The following BRSK1 variants were observed in gnomAD, a reference collection of about 807,000 sequenced individuals.
BRSK1 encodes serine/threonine-protein kinase BRSK1.
In BRSK1, 17 loss-of-function variants were observed where a neutral mutation model predicts 86.2. The observed-to-expected ratio is 0.20, with a 90% CI of 0.14 to 0.30. The LOEUF (loss-of-function observed/expected upper bound fraction) is 0.30. Among genes scored for constraint, BRSK1 ranks in the 10% least tolerant of loss-of-function variants. The pLI is 1.00. For synonymous variants in BRSK1, 464 were observed against 440.1 expected (o/e 1.05, Z -0.68); for missense variants, 719 against 1,071.9 (o/e 0.67, Z 4.60).
At position 55,305,473 on chromosome 19, in the gene BRSK1, C is replaced by A; in HGVS notation, c.1777C>A (p.Arg593Ser). The change falls in exon 16 of 19, where the codon CGC becomes AGC. Residue 593 changes from arginine to serine, a missense_variant. This residue lies in a region of BRSK1 where 180 missense variants were observed against 259.4 expected (regional missense o/e 0.69). Transcript: ENST00000309383. ...TPESSPELAK[R>S]SWFGNFISLD... ...CCCCCTCCCACTCAGGCTGGCAAAA[C>A]GCTCCTGGTTCGGGAACTTCATCTC... 1 of 1,614,186 alleles carries A rather than the reference C, an allele frequency of 6.2e-7. No homozygotes were observed. Among genetic ancestry groups the A allele is most frequent in the Non-Finnish European group, 8.5e-7 (1 of 1,180,010 alleles).
intron 7 of BRSK1, among the ~76,000 whole-genome samples, chr19:55,297,506 C>T (rs1363475971): frequency 6.6e-6 from 1 of 152,220 alleles, no homozygotes; most frequent in East Asian, 1.9e-4. Context: ...TCCTTGGTCT[C>T]TTAACCACCA....
At chr19:55,290,609 G>A (rs1370159594) in intron 4 of BRSK1, among the ~76,000 whole-genome samples, 1 of 151,096 alleles carries the variant, frequency 6.6e-6, no homozygotes, top group Non-Finnish European at 1.5e-5. Flanking sequence ...ATTCCAGTTT[G>A]TTGATTTTTT....
At position 55,302,238 on chromosome 19, in the gene BRSK1, G is replaced by A; in HGVS notation, c.857+70G>A. ...GGGAGGGGCCAAAGCAGTAGAAGCGGCTGGGAGGGGTGGGATGCCAGGGTT... is the reference window on the plus strand; with the variant it reads ...GGGAGGGGCCAAAGCAGTAGAAGCGACTGGGAGGGGTGGGATGCCAGGGTT... On this transcript the variant is annotated intron_variant, in intron 9 of 18. Transcript: ENST00000309383. This position sits in a 1 kb window ranked among gnomAD's most constrained non-coding sequence, Gnocchi z 6.3. The A allele has an allele frequency of 1.3e-6, 2 of 1,580,850 alleles. No individual in the cohort carries two copies. Among genetic ancestry groups the A allele is most frequent in the Non-Finnish European group, 1.7e-6 (2 of 1,150,016 alleles).
At position 55,303,119 on chromosome 19, in the gene BRSK1, T is replaced by G. The variant is rs1398008186; in HGVS notation, c.1029-192T>G. On this transcript the variant is annotated intron_variant, in intron 10 of 18. Coordinates refer to ENST00000309383, the MANE Select transcript of BRSK1 (RefSeq NM_032430.2). The surrounding 1 kb of genome is among the most constrained non-coding windows in gnomAD (Gnocchi z 5.1). ...ATAGTTCTTGCCTGGATGTTAGGTG[T>G]TACAGTGTTATTATAATTGAGTGAA... 1 of 633,804 alleles carries G rather than the reference T, an allele frequency of 1.6e-6. No individual in the cohort carries two copies. Among genetic ancestry groups the G allele is most frequent in the African/African-American group, 1.8e-5 (1 of 54,566 alleles). 39.3% of individuals were successfully genotyped at this position (633,804 alleles called of 1,614,324 possible). A position where few individuals can be genotyped will look rare whatever the true frequency, so the allele number is the denominator to read the frequency against.
intron 18 of BRSK1, among the ~76,000 whole-genome samples, chr19:55,309,132 C>G (rs947285183): frequency 6.6e-6 from 1 of 152,058 alleles, no homozygotes; most frequent in Non-Finnish European, 1.5e-5. Flanking sequence ...TCCTGGTTTG[C>G]TTGGGACTGA....
In BRSK1 at chr19:55,303,556, C is replaced by T; in HGVS notation, c.1127-111C>T. ...GCTTGACTTGCTCTTTGACATTTAT[C>T]AAATCCCCTCTCCACTCTAGGCCTG... On this transcript the variant is annotated intron_variant, in intron 11 of 18. Transcript: ENST00000309383. The surrounding 1 kb of genome is among the most constrained non-coding windows in gnomAD (Gnocchi z 5.1). 6.7e-7 allele frequency: 1 copy of T among 1,488,942 alleles called. No individual in the cohort carries two copies. Among genetic ancestry groups the T allele is most frequent in the East Asian group, 2.3e-5 (1 of 43,982 alleles). 92.2% of individuals were successfully genotyped at this position (1,488,942 alleles called of 1,614,324 possible).
chr19:55,284,195 G>A lies in BRSK1; in HGVS notation c.-248G>A. On this transcript the variant is annotated 5_prime_UTR_variant, in exon 1 of 19. Transcript: ENST00000309383. ...GCCGGCCAGAAACGGGCTGGGGAGG[G>A]GGGGCCCCGCAGCCCCCCTGGGCCA... 1 of 813,614 alleles carries A rather than the reference G, an allele frequency of 1.2e-6. No individual in the cohort carries two copies. Among genetic ancestry groups the A allele is most frequent in the Non-Finnish European group, 1.6e-6 (1 of 608,318 alleles). The allele number at this position is 813,614 out of a possible 1,614,324, so 50.4% of individuals were successfully genotyped here.
intron 7 of BRSK1, among the ~76,000 whole-genome samples, chr19:55,297,358 C>T (rs571187160): frequency 6.6e-6 from 1 of 152,294 alleles, no homozygotes; most frequent in African/African-American, 2.4e-5. Flanking sequence ...TGAGCCACCA[C>T]GCCCAGCCAT....
Position 55,289,469 on chromosome 19 carries a change from A to G in BRSK1, c.318-11A>G, listed in dbSNP as rs568300731. 8.7e-6 allele frequency: 14 copies of G among 1,607,422 alleles called. No homozygotes were observed. In the East Asian group the frequency reaches 1.3e-4, roughly 15 times the overall value. ...CCCCTTCCAGCCCTCTGCCCCCTCT[A>G]TATCCTTTAGGTACCTGGTTCTGGA... On this transcript the variant is annotated splice_polypyrimidine_tract_variant and intron_variant, in intron 3 of 18. Transcript: ENST00000309383.
At chr19:55,291,656 C>T (rs1055736447) in intron 4 of BRSK1, among the ~76,000 whole-genome samples, 26 of 152,250 alleles carry the variant, frequency 1.7e-4, no homozygotes, top group African/African-American at 6.3e-4. Context: ...GCATCTCTCT[C>T]ACTAAGATGT....
chr19:55,308,241 G>A (rs1047107279), intron 17 of BRSK1, among the ~76,000 whole-genome samples: 58 of 118,672 alleles, frequency 4.9e-4, no homozygotes, highest in African/African-American at 2.3e-3. Flanking sequence ...GGCTGGTCTC[G>A]AACTCCTGAG....
At position 55,301,551 on chromosome 19, in the gene BRSK1, C is replaced by T. The variant is rs114483554; in HGVS notation, c.718C>T (p.Leu240=). The T allele has an allele frequency of 5.2e-4, 835 of 1,613,954 alleles. No individual in the cohort carries two copies. The African/African-American group carries it at 9.6e-3, about 19-fold the overall frequency. ...TGATGACGACAACCTCCGCCAGCTG[C>T]TGGAGAAGGTGAAACGGGGCGTCTT... ...PFDDDNLRQL[L]EKVKRGVFHM... The change falls in exon 8 of 19, where the codon CTG becomes TTG. Residue 240 remains leucine, a synonymous_variant. Coordinates refer to ENST00000309383, the MANE Select transcript of BRSK1 (RefSeq NM_032430.2).
chr19:55,303,632 C>T lies in BRSK1; in HGVS notation c.1127-35C>T, dbSNP rs2088604347. The T allele has an allele frequency of 6.4e-7, 1 of 1,570,548 alleles. No individual in the cohort carries two copies. The highest frequency in any genetic ancestry group is 8.7e-7 in the Non-Finnish European group (1 of 1,155,536). ...GCAGTTGTACACAGCTGGGTGAAAC[C>T]ATCTCTTGATTGGGTTGAAACTGTT... On this transcript the variant is annotated intron_variant, in intron 11 of 18. Coordinates refer to ENST00000309383, the MANE Select transcript of BRSK1 (RefSeq NM_032430.2). The surrounding 1 kb of genome is among the most constrained non-coding windows in gnomAD (Gnocchi z 5.1).
chr19:55,292,104 C>A (rs1375538860), intron 4 of BRSK1, among the ~76,000 whole-genome samples: 3 of 152,104 alleles, frequency 2.0e-5, no homozygotes, highest in Non-Finnish European at 4.4e-5. Context: ...ATTGTCAAAA[C>A]CCTGATATTG....
intron 18 of BRSK1, among the ~76,000 whole-genome samples, chr19:55,309,935 A>G (rs1173982128): frequency 6.6e-6 from 1 of 152,194 alleles, no homozygotes; most frequent in Non-Finnish European, 1.5e-5. Flanking sequence ...AGGCAGCATC[A>G]GCCTCACAGG....
chr19:55,310,839 C>T lies in BRSK1; in HGVS notation c.2180-1072C>T, dbSNP rs2088772703. ...GCAACCAGGGGTCTCAAAACGGGCA[C>T]ACCCTGGAAGATGTAGGACTAACAG... is the stretch of plus-strand genomic sequence containing the variant. On this transcript the variant is annotated intron_variant, in intron 18 of 18. Coordinates refer to ENST00000309383, the MANE Select transcript of BRSK1 (RefSeq NM_032430.2). This position sits in a 1 kb window ranked among gnomAD's most constrained non-coding sequence, Gnocchi z 5.0. 6.6e-6 allele frequency among the ~76,000 whole-genome samples: 1 copy of T among 152,158 alleles called. No individual in the cohort carries two copies.
chr19:55,293,256 G>T (rs184078806), intron 4 of BRSK1, among the ~76,000 whole-genome samples: 5 of 152,232 alleles, frequency 3.3e-5, no homozygotes, highest in Non-Finnish European at 5.9e-5. Flanking sequence ...AGGACTTCTT[G>T]AACCCGGGAG....
Position 55,304,911 on chromosome 19 carries a change from A to G in BRSK1, c.1708A>G (p.Lys570Glu). ...FLGSPRFHRR[K>E]MQVPTAEEMS... Reference sequence around the variant, plus strand: ...GGGCTCCCCTCGCTTTCACCGGCGCAAGATGCAGGGTATGGGGGCATGAAC... The same window carrying G: ...GGGCTCCCCTCGCTTTCACCGGCGCGAGATGCAGGGTATGGGGGCATGAAC... The change falls in exon 14 of 19, where the codon AAG (lysine) becomes GAG (glutamate). Residue 570 changes from lysine (K) to glutamate (E), a missense_variant. By Grantham distance (56) the Lys-to-Glu change is moderately conservative. Transcript: ENST00000309383. The surrounding 1 kb of genome is among the most constrained non-coding windows in gnomAD (Gnocchi z 5.2). The G allele has an allele frequency of 6.2e-7, 1 of 1,607,866 alleles. No individual in the cohort carries two copies. The highest frequency in any genetic ancestry group is 8.5e-7 in the Non-Finnish European group (1 of 1,179,710).
At chr19:55,289,131 C>T (rs1030508072) in intron 3 of BRSK1, among the ~76,000 whole-genome samples, 3 of 152,102 alleles carry the variant, frequency 2.0e-5, no homozygotes, top group Non-Finnish European at 4.4e-5. Flanking sequence ...ATAGAGTCGC[C>T]TTATCTCCTG....
Sources: gnomAD v4.1 joint callset for allele counts (sites outside exome capture counted in the v4.1 genomes callset) on GRCh38, gnomAD v4.1.1 for gene constraint, gnomAD v4.1.1 regional missense constraint, Gnocchi (gnomAD v3.1) non-coding constraint, MANE v1.5 for transcripts, NCBI Gene and HGNC (gene_info 2026-07-23, HGNC 2026-07-21) for gene names.